Variants in MED13L observed in about 807,000 individuals in gnomAD.
MED13L encodes the protein mediator complex subunit 13L.
A neutral mutation model predicts 220.9 loss-of-function variants in MED13L; 7 were observed. That is an observed-to-expected ratio of 0.03 (90% CI 0.02 to 0.06). The LOEUF (loss-of-function observed/expected upper bound fraction) is 0.06. Ranked by LOEUF, MED13L falls within the 10% of genes least tolerant of loss-of-function variation. The pLI is 1.00. For missense variants in MED13L, 1,965 were observed against 2,760.5 expected (o/e 0.71, Z 6.46); for synonymous variants, 1,011 against 1,015.2 (o/e 1.00, Z 0.08).
intron 2 of MED13L, among the ~76,000 whole-genome samples, chr12:116,117,333 C>A (rs1046294096): frequency 1.3e-5 from 2 of 151,968 alleles, no homozygotes; most frequent in Admixed American, 6.6e-5. Flanking sequence ...GGGGTGATGC[C>A]CCCCACTCTA....
At chr12:116,241,275 A>G (rs1002575387) in intron 1 of MED13L, among the ~76,000 whole-genome samples, 1 of 151,622 alleles carries the variant, frequency 6.6e-6, no homozygotes, top group Non-Finnish European at 1.5e-5. Context: ...ACTGCACTCC[A>G]GCCTGGCAAC....
intron 23 of MED13L, among the ~76,000 whole-genome samples, chr12:115,977,058 G>C (rs971597157): frequency 1.3e-5 from 2 of 152,192 alleles, no homozygotes; most frequent in African/African-American, 2.4e-5. Context: ...AGCTACTTGG[G>C]AGGCTGACTG....
chr12:116,223,295 T>C (rs1246806034), intron 2 of MED13L, among the ~76,000 whole-genome samples: 2 of 152,192 alleles, frequency 1.3e-5, no homozygotes. Flanking sequence ...AAATATGATT[T>C]TGGTCAAATG....
intron 2 of MED13L, among the ~76,000 whole-genome samples, chr12:116,137,991 G>A (rs906380133): frequency 2.0e-5 from 3 of 151,600 alleles, no homozygotes; most frequent in African/African-American, 7.3e-5. Context: ...CGAGTAGCTG[G>A]GATTACAGGC....
intron 29 of MED13L, among the ~76,000 whole-genome samples, chr12:115,964,927 CAG>C (rs1284282058): frequency 2.0e-5 from 3 of 149,840 alleles, no homozygotes; most frequent in African/African-American, 7.6e-5. Flanking sequence ...TTTCAGCAGA[CAG>C]AGCTAAAAAA....
intron 2 of MED13L, among the ~76,000 whole-genome samples, chr12:116,192,022 G>A (rs1369291429): frequency 6.6e-6 from 1 of 152,196 alleles, no homozygotes; most frequent in East Asian, 1.9e-4. Context: ...AAATGAGTGT[G>A]CTAAAATATT....
intron 4 of MED13L, among the ~76,000 whole-genome samples, chr12:116,065,718 A>G (rs887777371): frequency 1.3e-5 from 2 of 152,234 alleles, no homozygotes; most frequent in Non-Finnish European, 2.9e-5. Flanking sequence ...AAGTCAAAGA[A>G]GTCTTCTACT....
At chr12:116,111,302 T>C (rs1241845393) in intron 3 of MED13L, 126 bp downstream of exon 3, 1 of 775,892 alleles carries the variant, frequency 1.3e-6, no homozygotes, top group East Asian at 2.5e-5. Flanking sequence ...ACTAAAGATT[T>C]ATGTAATTTT....
intron 3 of MED13L, among the ~76,000 whole-genome samples, chr12:116,102,703 C>CCTTTT (rs1873175799): frequency 2.8e-4 from 18 of 63,214 alleles, no homozygotes; most frequent in African/African-American, 9.6e-4. Context: ...TTTTCTTTTT[C>CCTTTT]TTTTTTCTTT....
intron 2 of MED13L, among the ~76,000 whole-genome samples, chr12:116,212,660 A>C (rs754898812): frequency 9.2e-5 from 14 of 152,186 alleles, no homozygotes; most frequent in Non-Finnish European, 1.5e-4. Flanking sequence ...TCACATAACA[A>C]AACAACAAAA....
intron 1 of MED13L, 32 bp downstream of exon 1, chr12:116,277,028 C>CCA: frequency 7.6e-7 from 1 of 1,322,744 alleles, no homozygotes; most frequent in Non-Finnish European, 1.1e-6. Flanking sequence ...CCTTCCCCGG[C>CCA]ACAGCCCCCT....
At position 116,008,703 on chromosome 12, in the gene MED13L, A is replaced by T; in HGVS notation, c.1710T>A (p.Ser570Arg). 1.2e-6 allele frequency: 2 copies of T among 1,613,902 alleles called. No homozygotes were observed. The highest frequency in any genetic ancestry group is 1.7e-6 in the Non-Finnish European group (2 of 1,179,960). ...SPQPRGQETE[S>R]LDPPSVPVNP... ...TCACAGGGACCGATGGTGGGTCCAA[A>T]CTCTCTGTTTCCTGACCTCGTGGCT... The change falls in exon 10 of 31, where the codon AGT becomes AGA. Residue 570 changes from serine to arginine, a missense_variant. This residue lies in a region of MED13L where 818 missense variants were observed against 1,041.2 expected (regional missense o/e 0.79). Coordinates refer to ENST00000281928, the MANE Select transcript of MED13L (RefSeq NM_015335.5).
At chr12:116,126,900 A>G (rs1036371929) in intron 2 of MED13L, among the ~76,000 whole-genome samples, 2 of 152,190 alleles carry the variant, frequency 1.3e-5, no homozygotes, top group Non-Finnish European at 2.9e-5. Context: ...CCAGGACCCA[A>G]ACCAACACTG....
At chr12:115,972,514 C>T (rs1876659081) in intron 25 of MED13L, 1 of 420,228 alleles carries the variant, frequency 2.4e-6, no homozygotes, top group East Asian at 5.2e-5. Flanking sequence ...TCTACCTAGA[C>T]CAGATTTAGG....
intron 2 of MED13L, among the ~76,000 whole-genome samples, chr12:116,123,727 T>C (rs769588381): frequency 1.7e-4 from 26 of 152,280 alleles, no homozygotes; most frequent in Admixed American, 3.9e-4. Context: ...AGCTGTCTCG[T>C]TGGCATTCTC....
In MED13L at chr12:115,983,279, T is replaced by C. The variant is rs1315537166; in HGVS notation, c.4793A>G (p.Gln1598Arg). 6.2e-7 allele frequency: 1 copy of C among 1,614,070 alleles called. No homozygotes were observed. The highest frequency in any genetic ancestry group is 8.5e-7 in the Non-Finnish European group (1 of 1,180,038). ...SSSASAPGIS[Q>R]ISTTSSSGFS... ...TCCTGAAGAAGAGGTAGTGCTTATCTGGCTAATACCAGGAGCAGAGGCAGA... is the reference window on the plus strand; with the variant it reads ...TCCTGAAGAAGAGGTAGTGCTTATCCGGCTAATACCAGGAGCAGAGGCAGA... Residue 1598 changes from glutamine to arginine, a missense_variant, in exon 21 of 31, where the codon CAG (glutamine) becomes CGG (arginine). Physicochemically the swap from Gln to Arg is conservative, Grantham distance 43. Around this residue, in one of 10 missense-constraint regions of MED13L, gnomAD observed 510 missense variants for 620.4 expected, o/e 0.82. Transcript: ENST00000281928.
intron 4 of MED13L, among the ~76,000 whole-genome samples, chr12:116,049,392 T>A (rs934169200): frequency 6.6e-6 from 1 of 152,176 alleles, no homozygotes; most frequent in Non-Finnish European, 1.5e-5. Context: ...CCACAACAAA[T>A]AAGCATGGAT....
At chr12:116,133,943 C>T (rs1024031067) in intron 2 of MED13L, among the ~76,000 whole-genome samples, 3 of 152,150 alleles carry the variant, frequency 2.0e-5, no homozygotes, top group Admixed American at 6.5e-5. Flanking sequence ...TGAATAAAAA[C>T]ACCTCCCGAG....
intron 2 of MED13L, among the ~76,000 whole-genome samples, chr12:116,117,099 T>C (rs1470395532): frequency 1.3e-5 from 2 of 151,788 alleles, no homozygotes; most frequent in African/African-American, 2.4e-5. Flanking sequence ...ATCTATACAA[T>C]GGGCTACTAC....
Sources: allele counts gnomAD v4.1 joint callset (sites outside exome capture counted in the v4.1 genomes callset), GRCh38; gene constraint gnomAD v4.1.1; regional missense constraint gnomAD v4.1.1; transcripts MANE v1.5; gene names NCBI Gene and HGNC (gene_info 2026-07-23, HGNC 2026-07-21).